The following CNNM2 variants were observed in gnomAD, a reference collection of about 807,000 sequenced individuals.
The protein encoded by CNNM2 is metal transporter CNNM2.
A neutral mutation model predicts 66.9 loss-of-function variants in CNNM2; 12 were observed. The ratio of observed to expected loss-of-function variants is 0.18; its 90% CI spans 0.11 to 0.29. CNNM2 has a LOEUF of 0.29. CNNM2 is among the 10% of genes least tolerant of loss of function. The probability of loss-of-function intolerance (pLI) is 1.00; values close to 1 mark genes in which losing one functional copy is unlikely to be tolerated. For missense variants in CNNM2, 705 were observed against 1,167.7 expected, an observed-to-expected ratio of 0.60 and a Z score of 5.77; for synonymous variants, 557 against 501.8, an observed-to-expected ratio of 1.11 and a Z score of -1.47.
In CNNM2 at chr10:102,976,425, C is replaced by CTTT. The variant is rs1206577839; in HGVS notation, c.1621+56348_1621+56350dup. Among the ~76,000 whole-genome samples the CTTT allele has an allele frequency of 6.9e-4, 24 of 34,720 alleles. 3 individuals are homozygous for CTTT. Among genetic ancestry groups the CTTT allele is most frequent in the African/African-American group, 2.8e-3 (23 of 8,206 alleles). 22.8% of individuals were successfully genotyped at this position (34,720 alleles called of 152,430 possible). On this transcript the variant is annotated intron_variant, in intron 1 of 7. Coordinates refer to ENST00000369878, the MANE Select transcript of CNNM2 (RefSeq NM_017649.5). ...TTACAGTATCAGTTCCAATTCTTGC[C>CTTT]TTTTTTTTTTTTTTTTTTTTTTTTT...
At chr10:102,934,425 C>T (rs998017377) in intron 1 of CNNM2, among the ~76,000 whole-genome samples, 8 of 151,672 alleles carry the variant, frequency 5.3e-5, no homozygotes, top group East Asian at 1.9e-4. Flanking sequence ...GGACTACAGG[C>T]GCCTGCCACC....
rs116367383 is a variant in CNNM2, at chr10:103,020,612, A to G, written c.1622-29095A>G. ...TAGAACTTTCTTTCTAGTGGGATAT[A>G]AGATAATAAACAAGATAAAAGTATA... is the stretch of plus-strand genomic sequence containing the variant. On this transcript the variant is annotated intron_variant, in intron 1 of 7. Coordinates refer to ENST00000369878, the MANE Select transcript of CNNM2 (RefSeq NM_017649.5). Among the ~76,000 whole-genome samples the G allele has an allele frequency of 2.3e-3, 346 of 152,328 alleles. 4 individuals carry two copies. Among genetic ancestry groups the G allele is most frequent in the African/African-American group, 7.9e-3 (328 of 41,560 alleles).
chr10:103,020,890 T>C (rs898341499), intron 1 of CNNM2, among the ~76,000 whole-genome samples: 1 of 152,086 alleles, frequency 6.6e-6, no homozygotes, highest in Non-Finnish European at 1.5e-5. Flanking sequence ...AGGTATTGGC[T>C]GGAGAGGGGA....
rs765003075 is a variant in CNNM2 at position 103,077,162 on chromosome 10, C to T, written c.2610C>T (p.His870=). 4 of 1,613,206 alleles carry T rather than the reference C, an allele frequency of 2.5e-6. No homozygotes were observed. The highest frequency in any genetic ancestry group is 3.4e-6 in the Non-Finnish European group (4 of 1,179,884). ...VTHSKANHSL[H]NEGAI ...ACAGTAAGGCCAACCACAGCCTGCA[C>T]AACGAAGGCGCCATCTAGGCCGCGC... is the stretch of plus-strand genomic sequence containing the variant. Residue 870 remains histidine, a synonymous_variant, in exon 8 of 8, where the codon CAC becomes CAT. Transcript: ENST00000369878.
intron 4 of CNNM2, among the ~76,000 whole-genome samples, chr10:103,060,839 G>T (rs140245495): frequency 1.6e-3 from 246 of 152,166 alleles, no homozygotes; most frequent in African/African-American, 5.1e-3. Flanking sequence ...CTCACCATGC[G>T]CATGTACTAT....
At chr10:102,967,204 C>T (rs1452822913) in intron 1 of CNNM2, among the ~76,000 whole-genome samples, 1 of 152,200 alleles carries the variant, frequency 6.6e-6, no homozygotes, top group African/African-American at 2.4e-5. Context: ...CCTCCCACCT[C>T]AGCCTCCTGA....
chr10:103,025,648 A>ATCACATCCGTAGTATATCT (rs1374861665), intron 1 of CNNM2, among the ~76,000 whole-genome samples: 5 of 152,212 alleles, frequency 3.3e-5, no homozygotes, highest in Non-Finnish European at 7.3e-5. Context: ...TAGTGCATGA[A>ATCACATCCGTAGTATATCT]TCACATCCGT....
At chr10:103,019,804 A>G (rs2064535361) in intron 1 of CNNM2, among the ~76,000 whole-genome samples, 1 of 152,362 alleles carries the variant, frequency 6.6e-6, no homozygotes, top group Non-Finnish European at 1.5e-5. Context: ...AAATTGAACT[A>G]TTCAGCCACT....
At chr10:103,059,223 C>T (rs1331651888) in intron 4 of CNNM2, among the ~76,000 whole-genome samples, 2 of 152,170 alleles carry the variant, frequency 1.3e-5, no homozygotes, top group African/African-American at 2.4e-5. Context: ...ATCCACCTGC[C>T]TTAGCCTCCC....
chr10:102,933,649 T>C (rs1466948805), intron 1 of CNNM2, among the ~76,000 whole-genome samples: 1 of 152,232 alleles, frequency 6.6e-6, no homozygotes, highest in African/African-American at 2.4e-5. Context: ...TATATGTAGA[T>C]ATTGAAATAT....
intron 1 of CNNM2, among the ~76,000 whole-genome samples, chr10:102,939,762 G>T (rs1473364206): frequency 1.3e-5 from 2 of 152,098 alleles, no homozygotes; most frequent in Non-Finnish European, 2.9e-5. Flanking sequence ...CCTGAGGTCA[G>T]GAGTTCAAGA....
intron 1 of CNNM2, among the ~76,000 whole-genome samples, chr10:103,029,464 A>AAAAT (rs1296966490): frequency 3.3e-5 from 5 of 151,842 alleles, no homozygotes; most frequent in Admixed American, 6.6e-5. Flanking sequence ...ACTCCGTCTC[A>AAAAT]AAATAAATAA....
At chr10:102,965,648 C>T (rs753397080) in intron 1 of CNNM2, among the ~76,000 whole-genome samples, 11 of 152,166 alleles carry the variant, frequency 7.2e-5, no homozygotes, top group Non-Finnish European at 1.2e-4. Context: ...GCGTCTTTAT[C>T]CTTATCAGTG....
intron 1 of CNNM2, among the ~76,000 whole-genome samples, chr10:102,986,670 C>G (rs1190682034): frequency 6.6e-6 from 1 of 150,452 alleles, no homozygotes; most frequent in South Asian, 2.1e-4. Context: ...GTCCCAGCTA[C>G]TTGGGAGGCT....
intron 1 of CNNM2, among the ~76,000 whole-genome samples, chr10:102,931,349 CTTCT>C (rs1846055556): frequency 7.6e-6 from 1 of 131,968 alleles, no homozygotes; most frequent in Non-Finnish European, 1.5e-5. Flanking sequence ...CATGTATTTC[CTTCT>C]TTCTTTTTTT....
At chr10:102,967,034 AT>A (rs1323019477) in intron 1 of CNNM2, among the ~76,000 whole-genome samples, 3 of 152,096 alleles carry the variant, frequency 2.0e-5, no homozygotes, top group Non-Finnish European at 4.4e-5. Flanking sequence ...TTAGCCTCGA[AT>A]TTCTGGGCTC....
chr10:103,051,474 C>G (rs2065212117), intron 2 of CNNM2, among the ~76,000 whole-genome samples: 1 of 151,676 alleles, frequency 6.6e-6, no homozygotes, highest in African/African-American at 2.4e-5. Flanking sequence ...GGCATGGTGG[C>G]TCACCCCTGT....
rs1238310004 is a variant in CNNM2, at chr10:103,079,483, C to T, written c.*2303C>T. On this transcript the variant is annotated 3_prime_UTR_variant, in exon 8 of 8. Transcript: ENST00000369878. ...TGGAATCAGAGCTAGTGTGTTGGTG[C>T]CCTTTTCAGAGCTCTGCTGTTCCTT... The T allele has an allele frequency of 6.6e-6, 1 of 152,206 alleles. No homozygotes were observed. Among genetic ancestry groups the T allele is most frequent in the African/African-American group, 2.4e-5 (1 of 41,454 alleles). 9.4% of individuals were successfully genotyped at this position (152,206 alleles called of 1,614,324 possible).
intron 1 of CNNM2, among the ~76,000 whole-genome samples, chr10:102,963,081 A>G (rs534456578): frequency 6.6e-6 from 1 of 152,198 alleles, no homozygotes; most frequent in Non-Finnish European, 1.5e-5. Context: ...ATCTGAAATC[A>G]TATGGCCAAT....
Sources: allele counts gnomAD v4.1 joint callset (sites outside exome capture counted in the v4.1 genomes callset), GRCh38; gene constraint gnomAD v4.1.1; transcripts MANE v1.5; gene names NCBI Gene and HGNC (gene_info 2026-07-23, HGNC 2026-07-21).